The following PTPN11 variants were observed in gnomAD, a reference collection of about 807,000 sequenced individuals.
PTPN11 encodes tyrosine-protein phosphatase non-receptor type 11.
A neutral mutation model predicts 78.8 loss-of-function variants in PTPN11; 6 were observed. The ratio of observed to expected loss-of-function variants is 0.08; its 90% confidence interval spans 0.04 to 0.15. The LOEUF is 0.15. Among genes scored for constraint, PTPN11 ranks in the 10% least tolerant of loss-of-function variants. The pLI is 1.00. For missense variants in PTPN11, 386 were observed against 744.8 expected (o/e 0.52, Z 5.61); for synonymous variants, 221 against 263.5 (o/e 0.84, Z 1.56).
At chr12:112,499,943 TA>T (rs529382859) in intron 13 of PTPN11, among the ~76,000 whole-genome samples, 2,680 of 117,192 alleles carry the variant, frequency 0.023, 65 homozygotes, top group African/African-American at 0.07. Context: ...CCCTGTCTCT[TA>T]AAAAAAAAAA....
intron 1 of PTPN11, among the ~76,000 whole-genome samples, chr12:112,425,179 T>C (rs1272494093): frequency 6.6e-6 from 1 of 151,870 alleles, no homozygotes; most frequent in Non-Finnish European, 1.5e-5. Context: ...ATTTTGACAT[T>C]TAGTAGGATA....
intron 7 of PTPN11, 138 bp from the exon 8 acceptor site, chr12:112,477,513 T>C (rs1213029245): frequency 1.4e-6 from 1 of 699,840 alleles, no homozygotes; most frequent in Non-Finnish European, 2.5e-6. Context: ...TTTGCTTACC[T>C]GGGCTTTAAT....
intron 5 of PTPN11, 50 bp from the exon 6 acceptor site, chr12:112,455,900 G>A (rs1014313069): frequency 1.3e-5 from 12 of 932,888 alleles, no homozygotes; most frequent in African/African-American, 5.4e-5. Context: ...CATTAACACC[G>A]TTTTCTGTAA....
intron 13 of PTPN11, among the ~76,000 whole-genome samples, chr12:112,493,074 T>C (rs2038772672): frequency 6.6e-6 from 1 of 152,238 alleles, no homozygotes; most frequent in East Asian, 1.9e-4. Context: ...TTTTTTTTTT[T>C]TTGAGACAGA....
intron 14 of PTPN11, among the ~76,000 whole-genome samples, chr12:112,503,614 G>C (rs1161953685): frequency 6.6e-6 from 1 of 152,050 alleles, no homozygotes; most frequent in East Asian, 1.9e-4. Flanking sequence ...ATTGCTCTCT[G>C]CAATAATTTG....
At chr12:112,456,538 A>G (rs1002114632) in intron 6 of PTPN11, among the ~76,000 whole-genome samples, 2 of 148,274 alleles carry the variant, frequency 1.3e-5, no homozygotes, top group South Asian at 4.2e-4. Flanking sequence ...GGTTTACTGC[A>G]GCCCCGTCCT....
intron 13 of PTPN11, among the ~76,000 whole-genome samples, chr12:112,490,650 T>C (rs1045203819): frequency 6.6e-6 from 1 of 152,152 alleles, no homozygotes; most frequent in African/African-American, 2.4e-5. Flanking sequence ...TCTCACTGTG[T>C]TGCCCAGGCT....
chr12:112,504,647 G>C lies in PTPN11; in HGVS notation c.1713-48G>C, dbSNP rs776467042. ...TATAGATATCATGTAAGCTTAAACA[G>C]CGTGGTCTACATTTTTGTAAATGTC... On this transcript the variant is annotated intron_variant, in intron 14 of 15. Transcript: ENST00000351677. This position sits in a 1 kb window ranked among gnomAD's most constrained non-coding sequence, Gnocchi z 4.7. The C allele has an allele frequency of 1.5e-6, 2 of 1,355,638 alleles. No individual in the cohort carries two copies. Among genetic ancestry groups the C allele is most frequent in the South Asian group, 2.4e-5 (2 of 82,720 alleles). The allele number at this position is 1,355,638 out of a possible 1,614,324, so 84.0% of individuals were successfully genotyped here.
At chr12:112,476,783 AAAC>A (rs551927271) in intron 7 of PTPN11, among the ~76,000 whole-genome samples, 21 of 152,126 alleles carry the variant, frequency 1.4e-4, no homozygotes, top group Non-Finnish European at 1.0e-4. Flanking sequence ...AATAAATTTA[AAAC>A]AACAACAACA....
At chr12:112,430,882 C>G (rs1451787619) in intron 1 of PTPN11, among the ~76,000 whole-genome samples, 1 of 152,116 alleles carries the variant, frequency 6.6e-6, no homozygotes, top group Non-Finnish European at 1.5e-5. Context: ...CCTAGACATT[C>G]ACTTTGCAAA....
At chr12:112,476,902 C>T (rs2038514242) in intron 7 of PTPN11, among the ~76,000 whole-genome samples, 1 of 152,206 alleles carries the variant, frequency 6.6e-6, no homozygotes, top group Admixed American at 6.5e-5. Context: ...TCAACTCATG[C>T]CCAGTCTTGG....
At chr12:112,469,631 C>A (rs1165743609) in intron 6 of PTPN11, among the ~76,000 whole-genome samples, 1 of 152,084 alleles carries the variant, frequency 6.6e-6, no homozygotes, top group Non-Finnish European at 1.5e-5. Context: ...TCTCCTGCCT[C>A]AGGCTTCCAA....
intron 3 of PTPN11, among the ~76,000 whole-genome samples, chr12:112,452,445 C>T (rs540566071): frequency 4.8e-4 from 73 of 152,234 alleles, no homozygotes; most frequent in Non-Finnish European, 9.1e-4. Context: ...AGGCTGGTCT[C>T]GAATTCTTGA....
intron 1 of PTPN11, among the ~76,000 whole-genome samples, chr12:112,426,235 A>G (rs2135827883): frequency 6.6e-6 from 1 of 152,244 alleles, no homozygotes; most frequent in African/African-American, 2.4e-5. Context: ...TGATTTCCTG[A>G]CAGATAGTTC....
intron 8 of PTPN11, 42 bp from the exon 9 acceptor site, chr12:112,477,815 T>C: frequency 6.2e-7 from 1 of 1,612,174 alleles, no homozygotes; most frequent in African/African-American, 1.3e-5. Flanking sequence ...GTCCTGAAAG[T>C]AACTTTAAGG....
At chr12:112,450,804 C>T (rs1046282316) in intron 3 of PTPN11, among the ~76,000 whole-genome samples, 1 of 152,116 alleles carries the variant, frequency 6.6e-6, no homozygotes, top group African/African-American at 2.4e-5. Flanking sequence ...TGAACTTCAG[C>T]AGATAATCTT....
At chr12:112,429,188 C>A (rs2037671253) in intron 1 of PTPN11, among the ~76,000 whole-genome samples, 1 of 152,148 alleles carries the variant, frequency 6.6e-6, no homozygotes, top group Admixed American at 6.6e-5. Context: ...AGTATCTATC[C>A]TGCATAACCT....
chr12:112,493,791 C>A (rs1466358150), intron 13 of PTPN11, among the ~76,000 whole-genome samples: 1 of 152,122 alleles, frequency 6.6e-6, no homozygotes, highest in Non-Finnish European at 1.5e-5. Context: ...CCAAAGTCTC[C>A]TTGTTTTCCC....
chr12:112,457,640 TA>T (rs1052693619), intron 6 of PTPN11, among the ~76,000 whole-genome samples: 1 of 152,228 alleles, frequency 6.6e-6, no homozygotes, highest in Non-Finnish European at 1.5e-5. Flanking sequence ...ACCAACAGTG[TA>T]AAAGCATTCC....
Sources: allele counts gnomAD v4.1 joint callset (sites outside exome capture counted in the v4.1 genomes callset), GRCh38; gene constraint gnomAD v4.1.1; non-coding constraint Gnocchi (gnomAD v3.1); transcripts MANE v1.5; gene names NCBI Gene and HGNC (gene_info 2026-07-23, HGNC 2026-07-21).